The following EFCAB13 variants were observed in gnomAD, a reference collection of about 807,000 sequenced individuals.
EFCAB13 encodes the protein EF-hand calcium-binding domain-containing protein 13.
In EFCAB13, 91 loss-of-function variants were observed where a neutral mutation model predicts 110.2. That is an observed-to-expected ratio of 0.83 (90% CI 0.70 to 0.98). The LOEUF (loss-of-function observed/expected upper bound fraction) is 0.98. EFCAB13 is among the 50% of genes least tolerant of loss of function. The probability of loss-of-function intolerance (pLI) is 0.00; values close to 1 mark genes in which losing one functional copy is unlikely to be tolerated. For missense variants in EFCAB13, 968 were observed against 1,119.4 expected (o/e 0.86, Z 1.93); for synonymous variants, 323 against 369.9 (o/e 0.87, Z 1.45).
intron 4 of EFCAB13, 84 bp from the exon 5 acceptor site, chr17:47,335,112 A>G: frequency 7.3e-7 from 1 of 1,365,468 alleles, no homozygotes; most frequent in Non-Finnish European, 9.8e-7. Context: ...ATATCAATCT[A>G]AAATGAATGA....
intron 21 of EFCAB13, among the ~76,000 whole-genome samples, chr17:47,411,019 G>T (rs1009191636): frequency 1.3e-5 from 2 of 152,122 alleles, no homozygotes; most frequent in Non-Finnish European, 2.9e-5. Context: ...CAAGGAATAT[G>T]TCTCCTCTTT....
At chr17:47,429,768 T>C (rs1382610593) in intron 23 of EFCAB13, 50 bp from the exon 24 acceptor site, 1 of 1,527,412 alleles carries the variant, frequency 6.5e-7, no homozygotes, top group East Asian at 2.3e-5. Context: ...ACTAATAACA[T>C]ATGCTCTATT....
intron 23 of EFCAB13, among the ~76,000 whole-genome samples, chr17:47,425,891 C>G (rs1912487): frequency 6.6e-6 from 1 of 151,874 alleles, no homozygotes; most frequent in Non-Finnish European, 1.5e-5. Context: ...AATTTTGAAT[C>G]TAGAAGATGA....
intron 23 of EFCAB13, 79 bp downstream of exon 23, chr17:47,414,998 C>A (rs1021096648): frequency 9.9e-7 from 1 of 1,006,870 alleles, no homozygotes. Flanking sequence ...AAAGGTCCAA[C>A]AGTGATAGAC....
chr17:47,376,908 C>T (rs1453218614), intron 12 of EFCAB13, among the ~76,000 whole-genome samples: 1 of 152,038 alleles, frequency 6.6e-6, no homozygotes, highest in Non-Finnish European at 1.5e-5. Context: ...TTCTTTTATT[C>T]CTTCACAAAT....
At chr17:47,373,514 C>T (rs1294287989) in intron 11 of EFCAB13, among the ~76,000 whole-genome samples, 1 of 151,866 alleles carries the variant, frequency 6.6e-6, no homozygotes, top group Non-Finnish European at 1.5e-5. Context: ...TTTCTTGTTG[C>T]CTTATGTTGA....
chr17:47,392,459 G>A (rs1220066281), intron 15 of EFCAB13, among the ~76,000 whole-genome samples: 1 of 152,076 alleles, frequency 6.6e-6, no homozygotes, highest in Non-Finnish European at 1.5e-5. Context: ...TGTGTGTTGG[G>A]GGGTGGGGGT....
chr17:47,390,277 CAA>C (rs948887499), intron 14 of EFCAB13, among the ~76,000 whole-genome samples: 3 of 151,714 alleles, frequency 2.0e-5, no homozygotes, highest in African/African-American at 7.3e-5. Flanking sequence ...TATACACAAA[CAA>C]TATTCACACA....
At chr17:47,351,785 T>C (rs1297080276) in intron 9 of EFCAB13, among the ~76,000 whole-genome samples, 1 of 152,082 alleles carries the variant, frequency 6.6e-6, no homozygotes, top group Non-Finnish European at 1.5e-5. Flanking sequence ...AGCTTTTTAG[T>C]TTAGTTGTCT....
chr17:47,423,913 G>A (rs1386421471), intron 23 of EFCAB13, among the ~76,000 whole-genome samples: 4 of 151,978 alleles, frequency 2.6e-5, no homozygotes, highest in African/African-American at 9.7e-5. Flanking sequence ...TGCTGTTCCT[G>A]GGCGGCCCGG....
intron 11 of EFCAB13, among the ~76,000 whole-genome samples, chr17:47,371,090 G>A (rs1005970259): frequency 2.7e-5 from 2 of 73,058 alleles, no homozygotes; most frequent in African/African-American, 5.2e-5. Flanking sequence ...TTTTACTGTT[G>A]TTTGAATTCC....
intron 23 of EFCAB13, among the ~76,000 whole-genome samples, chr17:47,423,724 C>T (rs1217200773): frequency 6.6e-6 from 1 of 151,780 alleles, no homozygotes; most frequent in East Asian, 1.9e-4. Flanking sequence ...CGGGCGCCGG[C>T]AGGGGCGTTC....
chr17:47,414,258 CGTGT>C (rs368099881), intron 22 of EFCAB13, among the ~76,000 whole-genome samples: 18 of 149,650 alleles, frequency 1.2e-4, no homozygotes, highest in Admixed American at 7.4e-4. Flanking sequence ...TGTGCACGTG[CGTGT>C]GTGTGTGTGT....
intron 23 of EFCAB13, among the ~76,000 whole-genome samples, chr17:47,417,074 G>A (rs377739289): frequency 3.9e-4 from 59 of 152,044 alleles, no homozygotes; most frequent in African/African-American, 1.3e-3. Context: ...ATATCTTTAC[G>A]GCATATTTAT....
At chr17:47,421,644 A>AG (rs1403229321) in intron 23 of EFCAB13, among the ~76,000 whole-genome samples, 18 of 150,878 alleles carry the variant, frequency 1.2e-4, no homozygotes, top group East Asian at 1.0e-3. Context: ...AAAGAAAGAA[A>AG]AAAAAAAAAG....
intron 11 of EFCAB13, among the ~76,000 whole-genome samples, chr17:47,372,318 A>T (rs749385015): frequency 6.6e-5 from 10 of 152,164 alleles, no homozygotes; most frequent in Non-Finnish European, 8.8e-5. Context: ...TTAAGCTGAT[A>T]GCAAGTTAGC....
chr17:47,347,404 G>T (rs1432986037), intron 8 of EFCAB13, among the ~76,000 whole-genome samples: 1 of 151,580 alleles, frequency 6.6e-6, no homozygotes, highest in Non-Finnish European at 1.5e-5. Flanking sequence ...TTAGGCACTA[G>T]AAACAGAAGA....
chr17:47,327,387 A>C (rs748969017), intron 3 of EFCAB13, among the ~76,000 whole-genome samples: 22 of 149,720 alleles, frequency 1.5e-4, no homozygotes, highest in Non-Finnish European at 2.7e-4. Context: ...CTGGTCTTGA[A>C]CTCCTGACCT....
intron 23 of EFCAB13, among the ~76,000 whole-genome samples, chr17:47,416,414 A>G (rs1003747207): frequency 6.6e-6 from 1 of 152,090 alleles, no homozygotes; most frequent in African/African-American, 2.4e-5. Flanking sequence ...TATACAGCAT[A>G]TGCTTTCTTT....
Sources: gnomAD v4.1 joint callset for allele counts (sites outside exome capture counted in the v4.1 genomes callset) on GRCh38, gnomAD v4.1.1 for gene constraint, MANE v1.5 for transcripts, NCBI Gene and HGNC (gene_info 2026-07-23, HGNC 2026-07-21) for gene names.